The following CUBN variants were observed in gnomAD, a reference collection of about 807,000 sequenced individuals.
CUBN encodes cubilin.
Under a neutral mutation model 405.3 loss-of-function variants are expected in CUBN, and 282 were observed. The ratio of observed to expected loss-of-function variants is 0.70; its 90% CI spans 0.63 to 0.77. The LOEUF (loss-of-function observed/expected upper bound fraction) is 0.77, where lower values mean the gene tolerates loss of function less well. Ranked by LOEUF, CUBN falls within the 30% of genes least tolerant of loss-of-function variation. The probability of loss-of-function intolerance (pLI) is 0.00; values close to 1 mark genes in which losing one functional copy is unlikely to be tolerated. For synonymous variants in CUBN, 1,684 were observed against 1,617.0 expected, an observed-to-expected ratio of 1.04 and a Z score of -0.99; for missense variants, 4,514 against 4,475.2, an observed-to-expected ratio of 1.01 and a Z score of -0.25.
chr10:16,947,612 C>A (rs999422529), intron 35 of CUBN, among the ~76,000 whole-genome samples: 4 of 152,150 alleles, frequency 2.6e-5, no homozygotes, highest in African/African-American at 9.7e-5. Context: ...GCCGTTTCTT[C>A]CTGTGAACGG....
At chr10:16,891,926 A>G (rs148106562) in intron 54 of CUBN, among the ~76,000 whole-genome samples, 10 of 152,286 alleles carry the variant, frequency 6.6e-5, no homozygotes, top group Middle Eastern at 3.4e-3. Context: ...TCAACAGACA[A>G]CTATCTCAAA....
intron 36 of CUBN, among the ~76,000 whole-genome samples, chr10:16,941,887 G>A (rs568569383): frequency 1.1e-4 from 16 of 152,158 alleles, no homozygotes; most frequent in African/African-American, 2.6e-4. Context: ...GTTACAGACC[G>A]GGGTGGGGAA....
At chr10:16,898,943 A>T (rs1462200151) in intron 54 of CUBN, 53 bp downstream of exon 54, 1 of 1,271,062 alleles carries the variant, frequency 7.9e-7, no homozygotes, top group Non-Finnish European at 1.2e-6. Flanking sequence ...TAGCTTAAAC[A>T]CTAATGTTCA....
Position 17,088,255 on chromosome 10 carries a change from A to G in CUBN, c.1856T>C (p.Ile619Thr). ...CAGGAGGTCAGGACTAGTTACAACA[A>G]TCCAGACACAATCTCTTCCTGGGGG... ...NYPPGRDCVWIVVTSPDLLVT... is the reference protein window; with the variant it reads ...NYPPGRDCVWTVVTSPDLLVT... The change falls in exon 15 of 67, where the codon ATT becomes ACT. Residue 619 changes from isoleucine (I) to threonine (T), a missense_variant. This residue lies in a region of CUBN where 1,448 missense variants were observed against 1,388.0 expected (regional missense o/e 1.04). Coordinates refer to ENST00000377833, the MANE Select transcript of CUBN (RefSeq NM_001081.4). 2.5e-6 allele frequency: 4 copies of G among 1,613,354 alleles called. No homozygotes were observed. Among genetic ancestry groups the G allele is most frequent in the Non-Finnish European group, 3.4e-6 (4 of 1,179,304 alleles).
At chr10:16,905,054 A>T (rs1360977257) in intron 50 of CUBN, among the ~76,000 whole-genome samples, 1 of 152,072 alleles carries the variant, frequency 6.6e-6, no homozygotes, top group Non-Finnish European at 1.5e-5. Flanking sequence ...ATTAACATTG[A>T]CCTCTCAGTT....
intron 27 of CUBN, among the ~76,000 whole-genome samples, chr10:17,040,736 A>G (rs761015106): frequency 1.9e-4 from 29 of 152,078 alleles, no homozygotes; most frequent in Non-Finnish European, 4.3e-4. Context: ...GAGAACAAAC[A>G]TAAAAACAAC....
chr10:16,847,860 GCT>G (rs1839565355), intron 60 of CUBN, among the ~76,000 whole-genome samples: 1 of 151,936 alleles, frequency 6.6e-6, no homozygotes, highest in Non-Finnish European at 1.5e-5. Flanking sequence ...AGTTAAATTA[GCT>G]TTTCTAAAAA....
intron 22 of CUBN, among the ~76,000 whole-genome samples, chr10:17,053,688 G>C: frequency 6.6e-6 from 1 of 152,030 alleles, no homozygotes; most frequent in African/African-American, 2.4e-5. Context: ...ATGAATAGGG[G>C]TATAGAAAAT....
intron 60 of CUBN, among the ~76,000 whole-genome samples, chr10:16,844,212 T>G (rs1053249394): frequency 1.0e-4 from 15 of 146,142 alleles, no homozygotes; most frequent in Non-Finnish European, 2.1e-4. Flanking sequence ...GAGGTTGCAG[T>G]GAGCCAAGAT....
intron 27 of CUBN, among the ~76,000 whole-genome samples, chr10:17,026,796 G>A (rs769887092): frequency 1.5e-4 from 23 of 152,320 alleles, no homozygotes; most frequent in East Asian, 5.8e-4. Flanking sequence ...GATCCCAGCC[G>A]ACTCCAAGAT....
At chr10:16,893,416 G>C (rs868684600) in intron 54 of CUBN, among the ~76,000 whole-genome samples, 2 of 109,364 alleles carry the variant, frequency 1.8e-5, no homozygotes, top group Admixed American at 1.0e-4. Flanking sequence ...GTGTGTGTGT[G>C]TGTGTGTATT....
At chr10:16,897,223 T>G (rs569447547) in intron 54 of CUBN, among the ~76,000 whole-genome samples, 1 of 152,362 alleles carries the variant, frequency 6.6e-6, no homozygotes, top group East Asian at 1.9e-4. Flanking sequence ...TCTTTCTGAT[T>G]GTACCCAGGA....
chr10:16,868,461 G>T (rs575685117), intron 59 of CUBN, among the ~76,000 whole-genome samples: 30 of 152,304 alleles, frequency 2.0e-4, no homozygotes, highest in African/African-American at 7.0e-4. Flanking sequence ...TCTTCACAGA[G>T]TATGAGATTT....
intron 10 of CUBN, 117 bp downstream of exon 10, chr10:17,109,523 A>T: frequency 2.5e-6 from 2 of 800,494 alleles, no homozygotes; most frequent in Non-Finnish European, 4.3e-6. Flanking sequence ...GATTAATTTT[A>T]GGTTTGAAGG....
chr10:17,045,941 T>C lies in CUBN; in HGVS notation c.3483A>G (p.Ser1161=). The part of the protein sequence containing the change: ...RSGFSAYWDG[S]STGCGGNLTT... The stretch of plus-strand genomic sequence containing the variant: ...CAGCTCTTTGCTATTTACCTGTTGA[T>C]GACCCATCCCAGTAAGCTGAGAATC... The change falls in exon 24 of 67, where the codon TCA becomes TCG. Residue 1161 remains serine (S), a synonymous_variant. Transcript: ENST00000377833. 1 of 1,613,994 alleles carries C rather than the reference T, an allele frequency of 6.2e-7. No homozygotes were observed. The highest frequency in any genetic ancestry group is 8.5e-7 in the Non-Finnish European group (1 of 1,179,948).
chr10:16,921,139 T>A (rs1388943994), intron 43 of CUBN, among the ~76,000 whole-genome samples: 1 of 152,246 alleles, frequency 6.6e-6, no homozygotes, highest in Non-Finnish European at 1.5e-5. Context: ...TTACTTTTCA[T>A]ATAAACTACA....
chr10:16,994,374 A>T (rs958645019), intron 28 of CUBN, among the ~76,000 whole-genome samples: 5 of 152,258 alleles, frequency 3.3e-5, no homozygotes, highest in African/African-American at 1.2e-4. Flanking sequence ...CAGTTTACTA[A>T]GAGTAATTTC....
At chr10:17,029,365 T>TA (rs952767785) in intron 27 of CUBN, among the ~76,000 whole-genome samples, 18 of 152,320 alleles carry the variant, frequency 1.2e-4, no homozygotes, top group Admixed American at 9.2e-4. Flanking sequence ...TTTTTATAAC[T>TA]AAAAAATCAC....
intron 56 of CUBN, among the ~76,000 whole-genome samples, chr10:16,886,095 T>G (rs879598423): frequency 3.3e-5 from 5 of 152,214 alleles, no homozygotes; most frequent in African/African-American, 1.2e-4. Flanking sequence ...ACTGGGATTT[T>G]GGGCTAGCAA....
Sources: allele counts gnomAD v4.1 joint callset (sites outside exome capture counted in the v4.1 genomes callset), GRCh38; gene constraint gnomAD v4.1.1; regional missense constraint gnomAD v4.1.1; transcripts MANE v1.5; gene names NCBI Gene and HGNC (gene_info 2026-07-23, HGNC 2026-07-21).